The following STIM1 variants were observed in gnomAD, a reference collection of about 807,000 sequenced individuals.
STIM1 encodes stromal interaction molecule 1.
A neutral mutation model predicts 74.7 loss-of-function variants in STIM1; 25 were observed. That is an observed-to-expected ratio of 0.33 (90% CI 0.24 to 0.47). STIM1 has a LOEUF of 0.47. Among genes scored for constraint, STIM1 ranks in the 20% least tolerant of loss-of-function variants. STIM1 has a pLI of 1.00. For synonymous variants in STIM1, 328 were observed against 348.8 expected (o/e 0.94, Z 0.66); for missense variants, 728 against 920.8 (o/e 0.79, Z 2.71).
At chr11:4,021,272 T>C (rs1373991213) in intron 2 of STIM1, among the ~76,000 whole-genome samples, 2 of 152,106 alleles carry the variant, frequency 1.3e-5, no homozygotes, top group East Asian at 3.9e-4. Flanking sequence ...ATTACAGGCA[T>C]GTGCCACCAT....
chr11:4,052,421 A>G (rs985275178), intron 3 of STIM1, among the ~76,000 whole-genome samples: 1 of 152,244 alleles, frequency 6.6e-6, no homozygotes, highest in Non-Finnish European at 1.5e-5. Context: ...CAGAGCCCTC[A>G]GAAATAATAC....
chr11:4,064,319 C>T (rs1420380416), intron 5 of STIM1, among the ~76,000 whole-genome samples: 1 of 152,152 alleles, frequency 6.6e-6, no homozygotes. Context: ...TTGATCTGTG[C>T]CCCTCTAGAC....
intron 1 of STIM1, among the ~76,000 whole-genome samples, chr11:3,874,383 G>A (rs2091242283): frequency 6.6e-6 from 1 of 152,186 alleles, no homozygotes; most frequent in Non-Finnish European, 1.5e-5. Flanking sequence ...TGCCAGATCA[G>A]GGCTAGTGTT....
intron 7 of STIM1, among the ~76,000 whole-genome samples, chr11:4,075,511 T>C (rs558195070): frequency 1.2e-4 from 18 of 152,260 alleles, no homozygotes; most frequent in Non-Finnish European, 2.2e-4. Flanking sequence ...TTTGTTTCTT[T>C]CACTCAACAT....
chr11:4,013,143 T>C (rs1460595773), intron 2 of STIM1, among the ~76,000 whole-genome samples: 1 of 152,244 alleles, frequency 6.6e-6, no homozygotes, highest in Admixed American at 6.5e-5. Context: ...TTATTGAGGA[T>C]TTTTGCATCG....
In STIM1 at chr11:3,941,696, A is replaced by AGAGAGAGAGAGAGAGAGT. The variant is rs1214690521; in HGVS notation, c.140-25855_140-25854insAGAGAGAGAGAGAGAGTG. On this transcript the variant is annotated intron_variant, in intron 1 of 12. Transcript: ENST00000526596. ...TATAGAGAGAGAGAGAGAGAGAGAG[A>AGAGAGAGAGAGAGAGAGT]GTGTGTGTGTGTCTCAGTGTCACTG... Among the ~76,000 whole-genome samples, 7 of 141,884 alleles carry AGAGAGAGAGAGAGAGAGT rather than the reference A, an allele frequency of 4.9e-5. No individual in the cohort carries two copies. The East Asian group carries it at 6.5e-4, about 13-fold the overall frequency. 93.1% of individuals were successfully genotyped at this position (141,884 alleles called of 152,430 possible).
chr11:3,914,748 A>G (rs908415380), intron 1 of STIM1, among the ~76,000 whole-genome samples: 9 of 152,044 alleles, frequency 5.9e-5, no homozygotes, highest in African/African-American at 1.2e-4. Context: ...CCTGTTTTCA[A>G]TTTTTGGGAG....
chr11:3,895,930 A>T (rs1590539704), intron 1 of STIM1, among the ~76,000 whole-genome samples: 2 of 118,654 alleles, frequency 1.7e-5, no homozygotes, highest in African/African-American at 3.3e-5. Flanking sequence ...TTTGAGATGG[A>T]GTCTTGCTCT....
At chr11:4,002,886 T>G (rs1030513123) in intron 2 of STIM1, among the ~76,000 whole-genome samples, 1 of 134,976 alleles carries the variant, frequency 7.4e-6, no homozygotes, top group African/African-American at 2.6e-5. Context: ...ATAGACGCAA[T>G]AAAAAATGAT....
rs189094988 is a variant in STIM1 at position 4,062,933 on chromosome 11, G to T, written c.613+3537G>T. Reference sequence around the variant, plus strand: ...TAGAATATTAATCAGTCACTAAAAGGAATGAAGTACTGATATATGCTACAA... The same window carrying T: ...TAGAATATTAATCAGTCACTAAAAGTAATGAAGTACTGATATATGCTACAA... On this transcript the variant is annotated intron_variant, in intron 5 of 12. Transcript: ENST00000526596. Among the ~76,000 whole-genome samples the T allele has an allele frequency of 1.6e-3, 236 of 152,218 alleles. 1 individual carries two copies. Among genetic ancestry groups the T allele is most frequent in the Middle Eastern group, 0.014 (4 of 294 alleles).
intron 2 of STIM1, among the ~76,000 whole-genome samples, chr11:4,003,049 A>C (rs1590637837): frequency 6.7e-6 from 1 of 149,990 alleles, no homozygotes. Context: ...AAGAAGTTGA[A>C]TCTCTGAATA....
intron 12 of STIM1, chr11:4,086,931 G>T: frequency 5.4e-6 from 8 of 1,483,584 alleles, no homozygotes; most frequent in Non-Finnish European, 7.2e-6. Context: ...GTTTCTGCCT[G>T]CCAGCTGCTG....
chr11:4,038,566 G>A (rs1182715078), intron 3 of STIM1, among the ~76,000 whole-genome samples: 2 of 152,128 alleles, frequency 1.3e-5, no homozygotes, highest in East Asian at 1.9e-4. Flanking sequence ...TCTCTCAAGA[G>A]TCATTGTCCT....
chr11:3,907,425 A>G (rs1433806660), intron 1 of STIM1, among the ~76,000 whole-genome samples: 1 of 152,256 alleles, frequency 6.6e-6, no homozygotes, highest in African/African-American at 2.4e-5. Flanking sequence ...AGTTTCACTT[A>G]CATGGAATCT....
intron 3 of STIM1, among the ~76,000 whole-genome samples, chr11:4,050,816 AT>A (rs1485817130): frequency 6.6e-6 from 1 of 152,248 alleles, no homozygotes; most frequent in Admixed American, 6.5e-5. Flanking sequence ...CATATTTTAT[AT>A]GTTATATGTA....
chr11:3,885,283 A>G (rs935012840), intron 1 of STIM1, among the ~76,000 whole-genome samples: 4 of 152,008 alleles, frequency 2.6e-5, no homozygotes, highest in East Asian at 1.9e-4. Flanking sequence ...GGCTCAACCA[A>G]TCCTTCCACT....
At chr11:4,020,331 G>A (rs1023155319) in intron 2 of STIM1, among the ~76,000 whole-genome samples, 11 of 152,084 alleles carry the variant, frequency 7.2e-5, no homozygotes, top group African/African-American at 2.7e-4. Flanking sequence ...GGGATTTCTG[G>A]ATCATATGGT....
At chr11:3,958,276 A>G (rs2135701236) in intron 1 of STIM1, among the ~76,000 whole-genome samples, 1 of 152,334 alleles carries the variant, frequency 6.6e-6, no homozygotes, top group South Asian at 2.1e-4. Context: ...TGGGAGGCTG[A>G]GGCAGGAGGA....
At chr11:3,883,555 G>A (rs1248951197) in intron 1 of STIM1, among the ~76,000 whole-genome samples, 6 of 152,138 alleles carry the variant, frequency 3.9e-5, no homozygotes, top group African/African-American at 1.2e-4. Flanking sequence ...GTTTTACCAT[G>A]TTGGTCAGGC....
Sources: allele counts gnomAD v4.1 joint callset (sites outside exome capture counted in the v4.1 genomes callset), GRCh38; gene constraint gnomAD v4.1.1; transcripts MANE v1.5; gene names NCBI Gene and HGNC (gene_info 2026-07-23, HGNC 2026-07-21).